The following ALK variants were observed in gnomAD, a reference collection of about 807,000 sequenced individuals.
ALK encodes ALK receptor tyrosine kinase.
A neutral mutation model predicts 163.1 loss-of-function variants in ALK; 74 were observed. The ratio of observed to expected loss-of-function variants is 0.45; its 90% confidence interval spans 0.38 to 0.55. The LOEUF (loss-of-function observed/expected upper bound fraction) is 0.55. Among genes scored for constraint, ALK ranks in the 20% least tolerant of loss-of-function variants. ALK has a pLI of 0.00. For missense variants in ALK, 2,063 were observed against 2,105.3 expected, an observed-to-expected ratio of 0.98 and a Z score of 0.39; for synonymous variants, 960 against 843.2, an observed-to-expected ratio of 1.14 and a Z score of -2.40.
intron 8 of ALK, among the ~76,000 whole-genome samples, chr2:29,311,322 C>T (rs559498860): frequency 1.3e-5 from 2 of 152,248 alleles, no homozygotes; most frequent in Non-Finnish European, 2.9e-5. Flanking sequence ...GGCCTTGGGG[C>T]TTCCGAAAAC....
At chr2:29,592,843 T>C (rs1039119927) in intron 3 of ALK, among the ~76,000 whole-genome samples, 8 of 152,152 alleles carry the variant, frequency 5.3e-5, no homozygotes, top group African/African-American at 1.9e-4. Flanking sequence ...GGAGTCCTTC[T>C]GCAAGTCAAG....
At chr2:29,700,438 G>A (rs1474700874) in intron 2 of ALK, among the ~76,000 whole-genome samples, 1 of 152,146 alleles carries the variant, frequency 6.6e-6, no homozygotes, top group African/African-American at 2.4e-5. Context: ...CAGCTACTTG[G>A]GAGGCTGAGG....
chr2:29,269,221 C>G (rs532926591), intron 11 of ALK, among the ~76,000 whole-genome samples: 40 of 152,208 alleles, frequency 2.6e-4, no homozygotes, highest in Non-Finnish European at 4.9e-4. Context: ...AGGTGGCTGA[C>G]AAATGGCGGA....
chr2:29,556,082 C>A (rs918302467), intron 3 of ALK, among the ~76,000 whole-genome samples: 3 of 152,122 alleles, frequency 2.0e-5, no homozygotes, highest in Non-Finnish European at 4.4e-5. Flanking sequence ...GCACCCCAAG[C>A]CAAACCTGGC....
In ALK at chr2:29,214,098, G is replaced by T; in HGVS notation, c.3646-17C>A. The stretch of plus-strand genomic sequence containing the variant: ...GGGCTGGCTCTGTGGGGAGACAGAA[G>T]CGGGCCACTGACGAGGAGCTTGTCA... On this transcript the variant is annotated splice_polypyrimidine_tract_variant and intron_variant, in intron 23 of 28. Coordinates refer to ENST00000389048, the MANE Select transcript of ALK (RefSeq NM_004304.5). 1 of 1,609,266 alleles carries T rather than the reference G, an allele frequency of 6.2e-7. No homozygotes were observed.
chr2:29,909,703 G>C (rs1472886837), intron 1 of ALK, among the ~76,000 whole-genome samples: 3 of 152,158 alleles, frequency 2.0e-5, no homozygotes, highest in Non-Finnish European at 4.4e-5. Flanking sequence ...TGTTTTTTAA[G>C]TGTGTAAGAA....
chr2:29,234,223 G>A (rs1664308338), intron 13 of ALK, among the ~76,000 whole-genome samples: 1 of 152,142 alleles, frequency 6.6e-6, no homozygotes, highest in South Asian at 2.1e-4. Flanking sequence ...GGTCCTATGT[G>A]GTGAGATGGG....
At chr2:29,303,730 C>T (rs1446272965) in intron 8 of ALK, among the ~76,000 whole-genome samples, 1 of 152,136 alleles carries the variant, frequency 6.6e-6, no homozygotes, top group Non-Finnish European at 1.5e-5. Context: ...ATGTCCTTTG[C>T]AGCAACGTGG....
rs527402126 is a variant in ALK at position 29,758,997 on chromosome 2, C to T, written c.668-41300G>A. Among the ~76,000 whole-genome samples the T allele has an allele frequency of 2.0e-5, 3 of 152,194 alleles. No homozygotes were observed. The South Asian group carries it at 6.2e-4, about 32-fold the overall frequency. On this transcript the variant is annotated intron_variant, in intron 1 of 28. Coordinates refer to ENST00000389048, the MANE Select transcript of ALK (RefSeq NM_004304.5). The stretch of plus-strand genomic sequence containing the variant: ...CTTTTTTTTTCTGCAATCCACAATC[C>T]ACACTTCACTTTGGACATAATGAAG...
intron 4 of ALK, among the ~76,000 whole-genome samples, chr2:29,407,953 A>C (rs1350839060): frequency 6.6e-6 from 1 of 152,218 alleles, no homozygotes; most frequent in African/African-American, 2.4e-5. Flanking sequence ...TTTGGAAACC[A>C]AGAAGTCCCA....
intron 1 of ALK, among the ~76,000 whole-genome samples, chr2:29,718,508 T>C (rs1016849842): frequency 1.3e-5 from 2 of 152,228 alleles, no homozygotes; most frequent in African/African-American, 4.8e-5. Context: ...GAAGGAAGGA[T>C]TTGAGAATTA....
chr2:29,529,752 G>C (rs574718359), intron 4 of ALK, among the ~76,000 whole-genome samples: 30 of 152,316 alleles, frequency 2.0e-4, no homozygotes, highest in African/African-American at 7.2e-4. Context: ...GCTGGTCCAG[G>C]CATCTTTAAA....
intron 1 of ALK, among the ~76,000 whole-genome samples, chr2:29,909,955 T>C (rs1310490696): frequency 7.5e-6 from 1 of 132,606 alleles, no homozygotes; most frequent in East Asian, 2.2e-4. Flanking sequence ...CATTCAGCAA[T>C]GGAATATTCA....
At chr2:29,373,820 C>G (rs557970745) in intron 5 of ALK, among the ~76,000 whole-genome samples, 10 of 152,186 alleles carry the variant, frequency 6.6e-5, no homozygotes, top group African/African-American at 2.4e-4. Context: ...TTGAAAAGAC[C>G]TCTCTCCTGC....
intron 5 of ALK, among the ~76,000 whole-genome samples, chr2:29,356,955 C>A (rs1668264341): frequency 1.3e-5 from 2 of 152,160 alleles, no homozygotes; most frequent in Non-Finnish European, 2.9e-5. Context: ...TCTTCAGAGA[C>A]CCCCAAGTCC....
In ALK at chr2:29,320,788, G is replaced by A. The variant is rs1287288294; in HGVS notation, c.1509C>T (p.Val503=). 1 of 1,614,058 alleles carries A rather than the reference G, an allele frequency of 6.2e-7. No homozygotes were observed. The highest frequency in any genetic ancestry group is 1.3e-5 in the African/African-American group (1 of 75,012). ...GGAACCGGGCATCCTTTAGGGTCCT[G>A]ACCTGCCATTGAGGAGTGTGGGGTG... The part of the protein sequence containing the change: ...TLSPHTPQWQ[V]RTLKDARFQD... The change falls in exon 7 of 29, where the codon GTC becomes GTT. Residue 503 remains valine (V), a synonymous_variant. Transcript: ENST00000389048.
At chr2:29,393,802 T>C (rs917173607) in intron 4 of ALK, among the ~76,000 whole-genome samples, 1 of 152,182 alleles carries the variant, frequency 6.6e-6, no homozygotes, top group African/African-American at 2.4e-5. Context: ...GCTGTACTCA[T>C]TAAGTGGATG....
At chr2:29,474,236 T>C (rs527257237) in intron 4 of ALK, among the ~76,000 whole-genome samples, 38 of 152,278 alleles carry the variant, frequency 2.5e-4, no homozygotes, top group African/African-American at 9.1e-4. Context: ...ACAAAATAGT[T>C]AATACTATCA....
At chr2:29,373,452 G>T (rs966810822) in intron 5 of ALK, among the ~76,000 whole-genome samples, 2 of 152,164 alleles carry the variant, frequency 1.3e-5, no homozygotes, top group African/African-American at 4.8e-5. Context: ...CCTTTATGTA[G>T]TTGTAATTTG....
Sources: allele counts gnomAD v4.1 joint callset (sites outside exome capture counted in the v4.1 genomes callset), GRCh38; gene constraint gnomAD v4.1.1; transcripts MANE v1.5; gene names NCBI Gene and HGNC (gene_info 2026-07-23, HGNC 2026-07-21).